The following ZNF638 variants were observed in gnomAD, a reference collection of about 807,000 sequenced individuals.
The protein encoded by ZNF638 is CTCL tumor antigen se33-1.
A neutral mutation model predicts 195.6 loss-of-function variants in ZNF638; 46 were observed. The observed-to-expected ratio is 0.24, with a 90% confidence interval of 0.19 to 0.30. The LOEUF is 0.30. Ranked by LOEUF, ZNF638 falls within the 10% of genes least tolerant of loss-of-function variation. The pLI, the probability that ZNF638 is intolerant of heterozygous loss-of-function variation, is 1.00. For missense variants in ZNF638, 2,440 were observed against 2,325.3 expected (o/e 1.05, Z -1.01); for synonymous variants, 845 against 772.0 (o/e 1.09, Z -1.57).
chr2:71,408,271 T>C, intron 20 of ZNF638, 24 bp downstream of exon 20: 1 of 1,603,136 alleles, frequency 6.2e-7, no homozygotes, highest in Non-Finnish European at 8.5e-7. Flanking sequence ...TTCTTCAGCT[T>C]TTGTGATTTT....
intron 10 of ZNF638, among the ~76,000 whole-genome samples, chr2:71,381,406 T>G (rs1251710169): frequency 6.6e-6 from 1 of 152,068 alleles, no homozygotes; most frequent in Non-Finnish European, 1.5e-5. Flanking sequence ...TATTGAAGTA[T>G]TGAAGGTTAG....
chr2:71,401,542 A>G (rs1219578326), intron 15 of ZNF638, among the ~76,000 whole-genome samples: 2 of 152,138 alleles, frequency 1.3e-5, no homozygotes, highest in African/African-American at 2.4e-5. Context: ...CCAAAAACAA[A>G]TGAACTTGTG....
chr2:71,341,962 G>C (rs112969831), intron 1 of ZNF638: 4 of 151,972 alleles, frequency 2.6e-5, no homozygotes, highest in African/African-American at 9.7e-5. Flanking sequence ...AATTCTTAGA[G>C]GTTTCTTACC....
At chr2:71,355,843 T>C in intron 3 of ZNF638, 63 bp downstream of exon 3, 1 of 978,372 alleles carries the variant, frequency 1.0e-6, no homozygotes, top group Non-Finnish European at 1.5e-6. Flanking sequence ...TGTTCAGATG[T>C]GACTGTTAAA....
At chr2:71,372,891 A>G (rs1239981673) in intron 8 of ZNF638, among the ~76,000 whole-genome samples, 1 of 152,198 alleles carries the variant, frequency 6.6e-6, no homozygotes, top group Non-Finnish European at 1.5e-5. Context: ...CTCTGTATGA[A>G]TATACCACAG....
chr2:71,422,714 C>T (rs2080457364), intron 21 of ZNF638, 100 bp from the exon 22 acceptor site: 13 of 1,236,430 alleles, frequency 1.1e-5, no homozygotes, highest in Non-Finnish European at 1.2e-5. Flanking sequence ...TAACAATTGG[C>T]ATCAGCAGGA....
intron 1 of ZNF638, among the ~76,000 whole-genome samples, chr2:71,334,311 C>T (rs1363218311): frequency 1.3e-5 from 2 of 152,182 alleles, no homozygotes; most frequent in Non-Finnish European, 1.5e-5. Flanking sequence ...TACTTAGAAA[C>T]AGTACTTCCA....
chr2:71,399,022 C>A (rs1257632136), intron 12 of ZNF638, among the ~76,000 whole-genome samples: 1 of 152,138 alleles, frequency 6.6e-6, no homozygotes, highest in Non-Finnish European at 1.5e-5. Flanking sequence ...ACAGGTTGCT[C>A]TGTCGTTTCC....
intron 8 of ZNF638, among the ~76,000 whole-genome samples, chr2:71,379,156 A>G (rs958288838): frequency 3.9e-5 from 6 of 152,338 alleles, no homozygotes; most frequent in Middle Eastern, 3.4e-3. Flanking sequence ...AGATTAGACC[A>G]GGGTGATAGC....
At position 71,379,801 on chromosome 2, in the gene ZNF638, G is replaced by A. The variant is rs184050649; in HGVS notation, c.2266-421G>A. 5.3e-3 allele frequency: 806 copies of A among 152,412 alleles called. 12 individuals carry two copies. Among genetic ancestry groups the A allele is most frequent in the Middle Eastern group, 0.044 (13 of 294 alleles). 9.4% of individuals were successfully genotyped at this position (152,412 alleles called of 1,614,324 possible). A position where few individuals can be genotyped will look rare whatever the true frequency, so the allele number is the denominator to read the frequency against. On this transcript the variant is annotated intron_variant, in intron 8 of 27. Transcript: ENST00000264447. Reference sequence around the variant, plus strand: ...AATATGCGTGTCATCCTTGCGCAGGGGCCATGCTAATTACCGTATCATTCC... The same window carrying A: ...AATATGCGTGTCATCCTTGCGCAGGAGCCATGCTAATTACCGTATCATTCC...
At chr2:71,391,243 A>G (rs761229171) in intron 10 of ZNF638, among the ~76,000 whole-genome samples, 5 of 152,176 alleles carry the variant, frequency 3.3e-5, no homozygotes, top group Non-Finnish European at 5.9e-5. Context: ...CCCTGTGGCA[A>G]TTCTTCAAGA....
chr2:71,387,676 T>G (rs1452563117), intron 10 of ZNF638, among the ~76,000 whole-genome samples: 4 of 150,932 alleles, frequency 2.7e-5, no homozygotes, highest in Non-Finnish European at 4.4e-5. Context: ...AAAAAAAAAG[T>G]AAAAGTGCTT....
At chr2:71,400,394 G>T in intron 14 of ZNF638, 84 bp from the exon 15 acceptor site, 1 of 1,333,508 alleles carries the variant, frequency 7.5e-7, no homozygotes, top group Non-Finnish European at 1.0e-6. Context: ...ACGTTTTCAT[G>T]TAGCTACTGT....
At position 71,365,666 on chromosome 2, in the gene ZNF638, G is replaced by C; in HGVS notation, c.1955G>C (p.Cys652Ser). Residue 652 changes from cysteine (C) to serine (S), a missense_variant, in exon 6 of 28, where the codon TGT becomes TCT. Cys to Ser is a moderately radical substitution (Grantham distance 112, BLOSUM62 -1). This residue lies in a region of ZNF638 where 1,883 missense variants were observed against 1,739.1 expected (regional missense o/e 1.08). Coordinates refer to ENST00000264447, the MANE Select transcript of ZNF638 (RefSeq NM_014497.5). ...CTTGAAGATGACACTTTGTCAGAAT[G>C]TAAACAGGTGTCTGATAAAGCTGTT... ...KNLEDDTLSE[C>S]KQVSDKAVSL... 1 of 1,613,794 alleles carries C rather than the reference G, an allele frequency of 6.2e-7. No individual in the cohort carries two copies. Among genetic ancestry groups the C allele is most frequent in the East Asian group, 2.2e-5 (1 of 44,880 alleles).
In ZNF638 at chr2:71,422,702, CTT is replaced by C. The variant is rs1310592695; in HGVS notation, c.3300-111_3300-110del. 62 of 1,145,680 alleles carry C rather than the reference CTT, an allele frequency of 5.4e-5. No homozygotes were observed. In the East Asian group the frequency reaches 1.5e-3, roughly 27 times the overall value. 71.0% of individuals were successfully genotyped at this position (1,145,680 alleles called of 1,614,324 possible). A position where few individuals can be genotyped will look rare whatever the true frequency, so the allele number is the denominator to read the frequency against. On this transcript the variant is annotated intron_variant, in intron 21 of 27. Coordinates refer to ENST00000264447, the MANE Select transcript of ZNF638 (RefSeq NM_014497.5). The stretch of plus-strand genomic sequence containing the variant: ...GCTTATTACGAATGCATCAGGAAGT[CTT>C]AACAATTGGCATCAGCAGGATTCTT...
At chr2:71,421,913 A>C (rs1051274204) in intron 21 of ZNF638, among the ~76,000 whole-genome samples, 1 of 152,146 alleles carries the variant, frequency 6.6e-6, no homozygotes, top group Non-Finnish European at 1.5e-5. Flanking sequence ...TTCTGTGTCT[A>C]CCTCGGTGAA....
chr2:71,417,879 A>G (rs369246080), intron 20 of ZNF638, among the ~76,000 whole-genome samples: 1 of 152,186 alleles, frequency 6.6e-6, no homozygotes, highest in African/African-American at 2.4e-5. Context: ...GAATTTCCTT[A>G]AAGTATTGTT....
chr2:71,368,463 G>A lies in ZNF638; in HGVS notation c.2077G>A (p.Val693Met), dbSNP rs2079246253. The A allele has an allele frequency of 1.2e-6, 2 of 1,613,616 alleles. No homozygotes were observed. Among genetic ancestry groups the A allele is most frequent in the East Asian group, 4.5e-5 (2 of 44,754 alleles). Residue 693 changes from valine to methionine, a missense_variant, in exon 7 of 28, where the codon GTG (valine) becomes ATG (methionine). By Grantham distance (21) the Val-to-Met change is conservative. This residue lies in a region of ZNF638 where 1,883 missense variants were observed against 1,739.1 expected (regional missense o/e 1.08). Transcript: ENST00000264447. ...LPEDGCTEED[V>M]RKLFQPFGKV... ...AGAGGATGGTTGTACTGAAGAAGAT[G>A]TGAGAAAATTATTTCAACCATTTGG...
At position 71,348,849 on chromosome 2, in the gene ZNF638, T is replaced by C; in HGVS notation, c.-106T>C. On this transcript the variant is annotated 5_prime_UTR_variant, in exon 2 of 28. Coordinates refer to ENST00000264447, the MANE Select transcript of ZNF638 (RefSeq NM_014497.5). Reference sequence around the variant, plus strand: ...TGTTGGGCCCATCTCCTTTGCACTTTGCTCAGATTAAGACTCAGTTGGCGC... The same window carrying C: ...TGTTGGGCCCATCTCCTTTGCACTTCGCTCAGATTAAGACTCAGTTGGCGC... The C allele has an allele frequency of 6.2e-7, 1 of 1,610,340 alleles. No homozygotes were observed. Among genetic ancestry groups the C allele is most frequent in the Non-Finnish European group, 8.5e-7 (1 of 1,179,598 alleles).
Sources: gnomAD v4.1 joint callset for allele counts (sites outside exome capture counted in the v4.1 genomes callset) on GRCh38, gnomAD v4.1.1 for gene constraint, gnomAD v4.1.1 regional missense constraint, MANE v1.5 for transcripts, NCBI Gene and HGNC (gene_info 2026-07-23, HGNC 2026-07-21) for gene names.